Variants in COMMD6 observed in about 807,000 individuals in gnomAD.
COMMD6 encodes COMM domain-containing protein 6.
In COMMD6, 11 loss-of-function variants were observed where a neutral mutation model predicts 13.4. The ratio of observed to expected loss-of-function variants is 0.82; its 90% CI spans 0.52 to 1.36. The LOEUF is 1.36. Ranked by LOEUF, COMMD6 falls within the 40% of genes most tolerant of loss-of-function variation. The pLI, the probability that COMMD6 is intolerant of heterozygous loss-of-function variation, is 0.00. For synonymous variants in COMMD6, 43 were observed against 36.5 expected (o/e 1.18, Z -0.64); for missense variants, 124 against 102.4 (o/e 1.21, Z -0.91).
intron 3 of COMMD6, among the ~76,000 whole-genome samples, chr13:75,527,144 G>T (rs2030292209): frequency 6.6e-6 from 1 of 152,160 alleles, no homozygotes; most frequent in African/African-American, 2.4e-5. Context: ...TTCTCCTATA[G>T]AAGTCATCTT....
chr13:75,533,388 T>G (rs1190953911), intron 2 of COMMD6, among the ~76,000 whole-genome samples: 1 of 151,830 alleles, frequency 6.6e-6, no homozygotes, highest in Non-Finnish European at 1.5e-5. Context: ...GCAACAGCCC[T>G]GTCTCTACAA....
intron 2 of COMMD6, among the ~76,000 whole-genome samples, chr13:75,530,812 G>A (rs772675612): frequency 2.0e-5 from 3 of 152,198 alleles, no homozygotes; most frequent in Non-Finnish European, 4.4e-5. Flanking sequence ...CTTAGGTAAT[G>A]TGCATAAAGT....
chr13:75,545,132 A>G (rs892272926), intron 1 of COMMD6, among the ~76,000 whole-genome samples: 36 of 152,236 alleles, frequency 2.4e-4, no homozygotes, highest in African/African-American at 8.2e-4. Context: ...TACAACATAC[A>G]TTCAAGGCAG....
upstream of COMMD6, among the ~76,000 whole-genome samples, chr13:75,540,602 C>T (rs7995040): frequency 2.6e-5 from 4 of 151,934 alleles, no homozygotes; most frequent in African/African-American, 9.7e-5. Flanking sequence ...TCCAGCAACA[C>T]GTGATAAACT....
At chr13:75,548,628 C>G (rs960422713) in intron 1 of COMMD6, among the ~76,000 whole-genome samples, 2 of 152,196 alleles carry the variant, frequency 1.3e-5, no homozygotes, top group African/African-American at 4.8e-5. Flanking sequence ...ATTTATTTCT[C>G]ACACGTTTTT....
At chr13:75,530,491 G>A in intron 2 of COMMD6, 1 of 323,886 alleles carries the variant, frequency 3.1e-6, no homozygotes, top group Non-Finnish European at 5.5e-6. Flanking sequence ...AGTTTAAAAT[G>A]GAAAAAACAA....
chr13:75,539,117 C>A (rs1266798657), upstream of COMMD6, among the ~76,000 whole-genome samples: 1 of 152,170 alleles, frequency 6.6e-6, no homozygotes, highest in Non-Finnish European at 1.5e-5. Context: ...TCTGTATGAT[C>A]TCTCCTGTTC....
At chr13:75,539,722 T>C (rs898145115), upstream of COMMD6, among the ~76,000 whole-genome samples, 3 of 152,144 alleles carry the variant, frequency 2.0e-5, no homozygotes, top group African/African-American at 7.2e-5. Flanking sequence ...CATTAGTTAA[T>C]GCATGTTAAG....
intron 2 of COMMD6, among the ~76,000 whole-genome samples, chr13:75,534,879 G>A (rs1006171139): frequency 2.0e-5 from 3 of 152,316 alleles, no homozygotes; most frequent in East Asian, 1.9e-4. Flanking sequence ...TTGAGTAAGA[G>A]AGGGAGGCCT....
chr13:75,536,692 C>A (rs1051653622), intron 2 of COMMD6, among the ~76,000 whole-genome samples: 1 of 152,198 alleles, frequency 6.6e-6, no homozygotes, highest in African/African-American at 2.4e-5. Flanking sequence ...CAAAGCCCTG[C>A]AGACACCTTG....
chr13:75,548,551 C>T (rs751046842), intron 1 of COMMD6, among the ~76,000 whole-genome samples: 1 of 152,188 alleles, frequency 6.6e-6, no homozygotes, highest in Non-Finnish European at 1.5e-5. Context: ...TCAAAGGCAT[C>T]ATCCCTTAAA....
At position 75,526,366 on chromosome 13, in the gene COMMD6, C is replaced by T. The variant is rs2030255179; in HGVS notation, c.*223G>A. On this transcript the variant is annotated 3_prime_UTR_variant, in exon 4 of 4. Coordinates refer to ENST00000682242, the MANE Select transcript of COMMD6 (RefSeq NM_203495.4). ...CATTCACATTATCACCAAGTATATC[C>T]TCTAAAGTGTCTAATTATCACTTTT... 4.4e-6 allele frequency: 2 copies of T among 457,782 alleles called. No homozygotes were observed. Among genetic ancestry groups the T allele is most frequent in the South Asian group, 7.6e-5 (2 of 26,162 alleles). 28.4% of individuals were successfully genotyped at this position (457,782 alleles called of 1,614,324 possible).
At chr13:75,532,990 G>C (rs2030538824) in intron 2 of COMMD6, among the ~76,000 whole-genome samples, 1 of 150,912 alleles carries the variant, frequency 6.6e-6, no homozygotes, top group South Asian at 2.1e-4. Context: ...GAGTGCAGTG[G>C]CACGATCTTG....
intron 3 of COMMD6, among the ~76,000 whole-genome samples, chr13:75,526,908 A>G (rs185759588): frequency 6.6e-6 from 1 of 152,334 alleles, no homozygotes; most frequent in Non-Finnish European, 1.5e-5. Context: ...CAGATTTATT[A>G]AATACTCAGC....
chr13:75,537,289 T>TC lies in COMMD6; in HGVS notation c.54+374dup, dbSNP rs1442396356. ...ACTCTAAAAGGCTAAAATGCTATAC[T>TC]CCATCTTCAAAAATAACTTAGAGAC... On this transcript the variant is annotated intron_variant, in intron 2 of 3. Transcript: ENST00000682242. 11 of 1,533,666 alleles carry TC rather than the reference T, an allele frequency of 7.2e-6. No homozygotes were observed. In the Admixed American group the frequency reaches 2.0e-4, roughly 28 times the overall value.
At chr13:75,544,162 C>A (rs2030866220) in intron 1 of COMMD6, among the ~76,000 whole-genome samples, 1 of 152,044 alleles carries the variant, frequency 6.6e-6, no homozygotes, top group Non-Finnish European at 1.5e-5. Flanking sequence ...CAGTAAGATG[C>A]AGAACCGGGA....
At chr13:75,529,388 G>A (rs1036040605) in intron 3 of COMMD6, among the ~76,000 whole-genome samples, 1 of 152,010 alleles carries the variant, frequency 6.6e-6, no homozygotes, top group Non-Finnish European at 1.5e-5. Context: ...AGGCATGGTG[G>A]TGGGCGCCTG....
At chr13:75,533,173 C>T (rs565134817) in intron 2 of COMMD6, among the ~76,000 whole-genome samples, 6 of 152,070 alleles carry the variant, frequency 3.9e-5, no homozygotes, top group Non-Finnish European at 8.8e-5. Context: ...CCTCGTGATC[C>T]GCCCTGCCTC....
intron 1 of COMMD6, among the ~76,000 whole-genome samples, chr13:75,546,246 A>G (rs2030903256): frequency 6.6e-6 from 1 of 152,240 alleles, no homozygotes; most frequent in Non-Finnish European, 1.5e-5. Flanking sequence ...TGAACAGAAC[A>G]ACAGGTTGCA....
Sources: allele counts gnomAD v4.1 joint callset (sites outside exome capture counted in the v4.1 genomes callset), GRCh38; gene constraint gnomAD v4.1.1; transcripts MANE v1.5; gene names NCBI Gene and HGNC (gene_info 2026-07-23, HGNC 2026-07-21).